The following PPM1H variants were observed in gnomAD, a reference collection of about 807,000 sequenced individuals.
PPM1H encodes the protein protein phosphatase 1H.
In PPM1H, 27 loss-of-function variants were observed where a neutral mutation model predicts 54.9. The observed-to-expected ratio is 0.49, with a 90% CI of 0.36 to 0.68. PPM1H has a LOEUF of 0.68. Ranked by LOEUF, PPM1H falls within the 30% of genes least tolerant of loss-of-function variation. PPM1H has a pLI of 0.00. For missense variants in PPM1H, 596 were observed against 667.8 expected (o/e 0.89, Z 1.19); for synonymous variants, 305 against 270.8 (o/e 1.13, Z -1.24).
At chr12:62,694,340 A>G (rs187750207) in intron 6 of PPM1H, among the ~76,000 whole-genome samples, 19 of 152,370 alleles carry the variant, frequency 1.2e-4, no homozygotes, top group Admixed American at 9.1e-4. Context: ...TGTGAGAAAC[A>G]GCAGAGCTCA....
intron 1 of PPM1H, among the ~76,000 whole-genome samples, chr12:62,891,203 C>T (rs1425498137): frequency 3.3e-5 from 5 of 151,610 alleles, no homozygotes; most frequent in Admixed American, 6.6e-5. Context: ...TACACACTCT[C>T]TCTGGGAAAA....
chr12:62,813,764 C>T (rs941907406), intron 2 of PPM1H, among the ~76,000 whole-genome samples: 5 of 152,094 alleles, frequency 3.3e-5, no homozygotes, highest in South Asian at 2.1e-4. Context: ...GAATTATACT[C>T]GCTATTGTTA....
intron 1 of PPM1H, among the ~76,000 whole-genome samples, chr12:62,867,564 ATTTTTTTTTTT>A (rs34772338): frequency 8.8e-4 from 49 of 55,372 alleles, no homozygotes; most frequent in Non-Finnish European, 1.3e-3. Flanking sequence ...TATGAGCACT[ATTTTTTTTTTT>A]TTTTTTTTTT....
chr12:62,817,152 T>TAAAAAAAAAGAAAAAAAAAAAA (rs2076873724), intron 2 of PPM1H, among the ~76,000 whole-genome samples: 1 of 63,142 alleles, frequency 1.6e-5, no homozygotes, highest in Non-Finnish European at 2.9e-5. Context: ...AAAAAAAAAC[T>TAAAAAAAAAGAAAAAAAAAAAA]AAAAAAAAGA....
chr12:62,648,474 TC>T lies in PPM1H; in HGVS notation c.*14del. The T allele has an allele frequency of 3.1e-6, 5 of 1,613,528 alleles. No homozygotes were observed. The highest frequency in any genetic ancestry group is 4.2e-6 in the Non-Finnish European group (5 of 1,179,576). ...GCTTTCTTCCCCTCTGTCCTCCCAA[TC>T]CCCTGGGCCATTTTCATGACAGCTT... On this transcript the variant is annotated 3_prime_UTR_variant, in exon 10 of 10. Coordinates refer to ENST00000228705, the MANE Select transcript of PPM1H (RefSeq NM_020700.2).
chr12:62,665,331 G>A (rs2075911787), intron 9 of PPM1H, among the ~76,000 whole-genome samples: 1 of 152,194 alleles, frequency 6.6e-6, no homozygotes, highest in Non-Finnish European at 1.5e-5. Flanking sequence ...TTACAGGGAT[G>A]AGCCACAGCA....
At chr12:62,676,116 T>C (rs989681774) in intron 8 of PPM1H, among the ~76,000 whole-genome samples, 1 of 152,176 alleles carries the variant, frequency 6.6e-6, no homozygotes, top group African/African-American at 2.4e-5. Flanking sequence ...AAAAGCACCA[T>C]AAGCTCTCAC....
At chr12:62,755,885 G>T (rs2076471352) in intron 4 of PPM1H, 1 of 784,322 alleles carries the variant, frequency 1.3e-6, no homozygotes, top group Non-Finnish European at 2.3e-6. Context: ...TGTGGGCAAG[G>T]TCATCCCTGA....
chr12:62,814,458 C>A (rs1217092605), intron 2 of PPM1H, among the ~76,000 whole-genome samples: 1 of 152,102 alleles, frequency 6.6e-6, no homozygotes, highest in East Asian at 1.9e-4. Flanking sequence ...CCTCAAGTGA[C>A]CCTCCTGCCT....
At chr12:62,815,925 T>C (rs2076863563) in intron 2 of PPM1H, among the ~76,000 whole-genome samples, 1 of 152,208 alleles carries the variant, frequency 6.6e-6, no homozygotes, top group Admixed American at 6.5e-5. Flanking sequence ...AAAGAGAAGA[T>C]GATAATTTCA....
At chr12:62,814,502 G>A (rs1402781095) in intron 2 of PPM1H, among the ~76,000 whole-genome samples, 1 of 152,142 alleles carries the variant, frequency 6.6e-6, no homozygotes, top group Non-Finnish European at 1.5e-5. Flanking sequence ...ACAGGCATGA[G>A]CCACCACACC....
intron 1 of PPM1H, among the ~76,000 whole-genome samples, chr12:62,867,334 A>G (rs1290238195): frequency 1.3e-5 from 2 of 152,012 alleles, no homozygotes; most frequent in Admixed American, 1.3e-4. Flanking sequence ...TGAAAATTCT[A>G]TTTTACACCA....
chr12:62,703,829 T>C (rs1176375360), intron 6 of PPM1H, among the ~76,000 whole-genome samples: 10 of 152,138 alleles, frequency 6.6e-5, no homozygotes, highest in Non-Finnish European at 1.5e-4. Context: ...TTCCTTTTTT[T>C]CTGCCAGCCA....
Position 62,731,805 on chromosome 12 carries a change from CG to C in PPM1H, c.954+5696del, listed in dbSNP as rs552480052. On this transcript the variant is annotated intron_variant, in intron 5 of 9. Transcript: ENST00000228705. ...CAAGTCAGAGTTTATAAATATGTAC[CG>C]GCAGAATGGAGGGAAAACCATCACT... Among the ~76,000 whole-genome samples, 6 of 152,138 alleles carry C rather than the reference CG, an allele frequency of 3.9e-5. No homozygotes were observed. The South Asian group carries it at 1.3e-3, about 32-fold the overall frequency.
At chr12:62,670,044 C>T (rs1004228335) in intron 8 of PPM1H, among the ~76,000 whole-genome samples, 1 of 118,086 alleles carries the variant, frequency 8.5e-6, no homozygotes, top group Non-Finnish European at 1.6e-5. Flanking sequence ...ATGGCATGAT[C>T]TCAGCTCACT....
chr12:62,814,331 C>G (rs566020208), intron 2 of PPM1H, among the ~76,000 whole-genome samples: 1 of 152,180 alleles, frequency 6.6e-6, no homozygotes, highest in Admixed American at 6.5e-5. Context: ...TATCCTCCCA[C>G]GTTGGCCGCC....
rs1181549525 is a variant in PPM1H at position 62,844,694 on chromosome 12, T to C, written c.246-12415A>G. Among the ~76,000 whole-genome samples the C allele has an allele frequency of 6.6e-6, 1 of 152,256 alleles. No homozygotes were observed. The highest frequency in any genetic ancestry group is 1.5e-5 in the Non-Finnish European group (1 of 68,048). On this transcript the variant is annotated intron_variant, in intron 1 of 9. Transcript: ENST00000228705. This position sits in a 1 kb window ranked among gnomAD's most constrained non-coding sequence, Gnocchi z 5.2. ...ATGTTGTGTGTTTATTTCAGTTGTG[T>C]TCTCCCTATCTCAAATCACATAGCA...
intron 6 of PPM1H, among the ~76,000 whole-genome samples, chr12:62,714,448 G>A (rs961163139): frequency 6.6e-6 from 1 of 152,120 alleles, no homozygotes; most frequent in Non-Finnish European, 1.5e-5. Context: ...CATCAAGTTA[G>A]AATTATAAAA....
intron 2 of PPM1H, among the ~76,000 whole-genome samples, chr12:62,821,261 A>G (rs547225144): frequency 5.3e-5 from 8 of 152,310 alleles, no homozygotes; most frequent in Admixed American, 1.3e-4. Flanking sequence ...TCCAAGAAAT[A>G]TGGGACTATG....
Sources: gnomAD v4.1 joint callset for allele counts (sites outside exome capture counted in the v4.1 genomes callset) on GRCh38, gnomAD v4.1.1 for gene constraint, Gnocchi (gnomAD v3.1) non-coding constraint, MANE v1.5 for transcripts, NCBI Gene and HGNC (gene_info 2026-07-23, HGNC 2026-07-21) for gene names.